The following TSHZ2 variants were observed in gnomAD, a reference collection of about 807,000 sequenced individuals.
TSHZ2 encodes teashirt zinc finger homeobox 2.
In TSHZ2, 21 loss-of-function variants were observed where a neutral mutation model predicts 74.4. The ratio of observed to expected loss-of-function variants is 0.28; its 90% confidence interval spans 0.20 to 0.41. The LOEUF (loss-of-function observed/expected upper bound fraction) is 0.41, where lower values mean the gene tolerates loss of function less well. Ranked by LOEUF, TSHZ2 falls within the 10% of genes least tolerant of loss-of-function variation. The pLI is 1.00. For synonymous variants in TSHZ2, 540 were observed against 515.3 expected (o/e 1.05, Z -0.65); for missense variants, 1,244 against 1,293.5 (o/e 0.96, Z 0.59).
chr20:53,287,849 C>T (rs1156268268), intron 2 of TSHZ2, among the ~76,000 whole-genome samples: 1 of 152,074 alleles, frequency 6.6e-6, no homozygotes, highest in African/African-American at 2.4e-5. Flanking sequence ...CTTTTAATGA[C>T]TCAGCTTTTT....
chr20:53,270,615 G>A (rs1032740728), intron 2 of TSHZ2, among the ~76,000 whole-genome samples: 6 of 152,094 alleles, frequency 3.9e-5, no homozygotes, highest in African/African-American at 1.4e-4. Context: ...ACACCAAAGC[G>A]TGAGATGCAG....
chr20:53,344,616 C>T (rs1370223003), intron 2 of TSHZ2, among the ~76,000 whole-genome samples: 1 of 151,990 alleles, frequency 6.6e-6, no homozygotes, highest in East Asian at 1.9e-4. Flanking sequence ...AAAATAGTGC[C>T]CTAGTGGTTT....
At chr20:53,458,470 C>T (rs1456107225) in intron 2 of TSHZ2, among the ~76,000 whole-genome samples, 4 of 152,222 alleles carry the variant, frequency 2.6e-5, no homozygotes, top group East Asian at 1.9e-4. Context: ...ATTAGTCTTG[C>T]TAGCAGTCTA....
intron 2 of TSHZ2, among the ~76,000 whole-genome samples, chr20:53,335,121 G>T (rs1388172991): frequency 1.3e-5 from 2 of 152,168 alleles, no homozygotes; most frequent in African/African-American, 2.4e-5. Context: ...TTCTCAAAAC[G>T]GGGTTCTTAA....
At chr20:53,191,221 C>G (rs1988730619) in intron 1 of TSHZ2, among the ~76,000 whole-genome samples, 1 of 152,012 alleles carries the variant, frequency 6.6e-6, no homozygotes, top group African/African-American at 2.4e-5. Context: ...TGTATATGAC[C>G]TATGCAGTTA....
intron 1 of TSHZ2, among the ~76,000 whole-genome samples, chr20:53,061,647 A>G (rs1177486056): frequency 6.6e-6 from 1 of 152,048 alleles, no homozygotes; most frequent in African/African-American, 2.4e-5. Flanking sequence ...GGTTGTATCT[A>G]TTTTTCCTAT....
chr20:53,325,572 G>A (rs1979454552), intron 2 of TSHZ2, among the ~76,000 whole-genome samples: 1 of 152,126 alleles, frequency 6.6e-6, no homozygotes. Flanking sequence ...GTCCACACCT[G>A]GGTTCCTGCC....
intron 1 of TSHZ2, among the ~76,000 whole-genome samples, chr20:53,242,872 A>G (rs1990105470): frequency 6.6e-6 from 1 of 152,198 alleles, no homozygotes; most frequent in Non-Finnish European, 1.5e-5. Context: ...ACACTTGAAC[A>G]AGGTGGGCTG....
intron 2 of TSHZ2, among the ~76,000 whole-genome samples, chr20:53,413,115 T>C (rs1319302015): frequency 6.6e-6 from 1 of 152,012 alleles, no homozygotes; most frequent in Admixed American, 6.6e-5. Flanking sequence ...TCATGCACGA[T>C]GTCATCGTGG....
At chr20:53,192,390 A>G (rs148802978) in intron 1 of TSHZ2, among the ~76,000 whole-genome samples, 2 of 152,200 alleles carry the variant, frequency 1.3e-5, no homozygotes, top group East Asian at 1.9e-4. Context: ...TTACATTGTC[A>G]CTTTCTAACA....
intron 1 of TSHZ2, among the ~76,000 whole-genome samples, chr20:53,072,999 C>CTCCCTCCATCCATCCCTCCCTCCATCCA (rs1985231331): frequency 7.1e-6 from 1 of 140,920 alleles, no homozygotes; most frequent in Admixed American, 7.1e-5. Flanking sequence ...TCATCCATCC[C>CTCCCTCCATCCATCCCTCCCTCCATCCA]TCCCTCCATC....
chr20:53,203,672 G>T (rs534471396), intron 1 of TSHZ2, among the ~76,000 whole-genome samples: 6 of 152,198 alleles, frequency 3.9e-5, no homozygotes, highest in Non-Finnish European at 5.9e-5. Flanking sequence ...GGTGGAGTGT[G>T]GTCTCATCGC....
At chr20:53,371,743 G>T (rs1263929517) in intron 2 of TSHZ2, among the ~76,000 whole-genome samples, 1 of 151,966 alleles carries the variant, frequency 6.6e-6, no homozygotes, top group Non-Finnish European at 1.5e-5. Context: ...GGGCATGGTG[G>T]CACATGCCTG....
chr20:53,115,630 A>C (rs1230485782), intron 1 of TSHZ2, among the ~76,000 whole-genome samples: 2 of 152,162 alleles, frequency 1.3e-5, no homozygotes, highest in Admixed American at 6.5e-5. Context: ...TAAGTAAATA[A>C]ATGACACAGA....
At chr20:53,415,675 GTATGTGTGTATATACATATTA>G (rs1204958142) in intron 2 of TSHZ2, among the ~76,000 whole-genome samples, 220 of 604 alleles carry the variant, frequency 0.36, 5 homozygotes, top group Non-Finnish European at 0.44. Context: ...AAAACGTGAT[GTATGTGTGTATATACATATTA>G]TATGTGTGTA....
intron 2 of TSHZ2, among the ~76,000 whole-genome samples, chr20:53,414,271 CT>C (rs1444775810): frequency 9.2e-5 from 14 of 152,202 alleles, no homozygotes; most frequent in Non-Finnish European, 1.6e-4. Context: ...TAGTGTTTGA[CT>C]TTTTACTAAG....
At chr20:52,976,876 C>A (rs1276343222) in intron 1 of TSHZ2, among the ~76,000 whole-genome samples, 1 of 152,204 alleles carries the variant, frequency 6.6e-6, no homozygotes, top group East Asian at 1.9e-4. Context: ...GCTTTCTGAT[C>A]ACCCAGATCT....
chr20:53,031,215 T>C (rs980522488), intron 1 of TSHZ2, among the ~76,000 whole-genome samples: 4 of 152,190 alleles, frequency 2.6e-5, no homozygotes, highest in African/African-American at 9.7e-5. Flanking sequence ...GCTTGCTTAA[T>C]GGGATTTGAT....
intron 1 of TSHZ2, among the ~76,000 whole-genome samples, chr20:53,090,467 G>T (rs921024446): frequency 3.5e-4 from 53 of 152,200 alleles, no homozygotes; most frequent in African/African-American, 1.2e-3. Context: ...GGGGGAATAG[G>T]TTTGCTGGAA....
Sources: allele counts gnomAD v4.1 joint callset (sites outside exome capture counted in the v4.1 genomes callset), GRCh38; gene constraint gnomAD v4.1.1; transcripts MANE v1.5; gene names NCBI Gene and HGNC (gene_info 2026-07-23, HGNC 2026-07-21).